The following RAB3GAP1 variants were observed in gnomAD, a reference collection of about 807,000 sequenced individuals.
RAB3GAP1 encodes RAB3 GTPase activating protein catalytic subunit 1.
A neutral mutation model predicts 130.7 loss-of-function variants in RAB3GAP1; 86 were observed. The ratio of observed to expected loss-of-function variants is 0.66; its 90% CI spans 0.55 to 0.79. The LOEUF is 0.79. Among genes scored for constraint, RAB3GAP1 ranks in the 30% least tolerant of loss-of-function variants. RAB3GAP1 has a pLI of 0.00. For missense variants in RAB3GAP1, 1,029 were observed against 1,169.4 expected (o/e 0.88, Z 1.75); for synonymous variants, 367 against 401.7 (o/e 0.91, Z 1.03).
At chr2:135,084,380 A>G (rs528673505) in intron 3 of RAB3GAP1, among the ~76,000 whole-genome samples, 2 of 152,334 alleles carry the variant, frequency 1.3e-5, no homozygotes, top group South Asian at 4.1e-4. Flanking sequence ...ATATTGTAGC[A>G]TGTATCATTG....
In RAB3GAP1 at chr2:135,124,208, T is replaced by C; in HGVS notation, c.792T>C (p.Phe264=). ...LVGGEVGGLE[F]GKLPFGACED... is the part of the protein sequence containing the mutation. Reference sequence around the variant, plus strand: ...GAGGAGAAGTTGGAGGCTTGGAGTTTGGCAAGTTACCATTTGGTGCCTGCG... The same window carrying C: ...GAGGAGAAGTTGGAGGCTTGGAGTTCGGCAAGTTACCATTTGGTGCCTGCG... Residue 264 remains phenylalanine, a synonymous_variant, in exon 9 of 24, where the codon TTT becomes TTC. Coordinates refer to ENST00000264158, the MANE Select transcript of RAB3GAP1 (RefSeq NM_012233.3). The C allele has an allele frequency of 4.3e-6, 7 of 1,614,226 alleles. No homozygotes were observed. The highest frequency in any genetic ancestry group is 5.9e-6 in the Non-Finnish European group (7 of 1,180,022).
chr2:135,071,541 A>C (rs1689472514), intron 3 of RAB3GAP1, among the ~76,000 whole-genome samples: 1 of 152,084 alleles, frequency 6.6e-6, no homozygotes, highest in Non-Finnish European at 1.5e-5. Context: ...TTAAAAAAAA[A>C]AAAAAGAATT....
intron 2 of RAB3GAP1, among the ~76,000 whole-genome samples, chr2:135,055,913 T>C (rs901621160): frequency 3.9e-5 from 6 of 151,904 alleles, no homozygotes; most frequent in African/African-American, 1.4e-4. Flanking sequence ...CTCGGCTCAC[T>C]GCAAGCTCTG....
chr2:135,149,755 G>A (rs755016404), intron 17 of RAB3GAP1, among the ~76,000 whole-genome samples: 5 of 152,166 alleles, frequency 3.3e-5, no homozygotes, highest in South Asian at 2.1e-4. Context: ...CTGGGTTCAC[G>A]CCATTCTCTT....
At chr2:135,164,539 C>G in intron 22 of RAB3GAP1, 55 bp from the exon 23 acceptor site, 1 of 1,363,912 alleles carries the variant, frequency 7.3e-7, no homozygotes, top group Non-Finnish European at 1.0e-6. Context: ...GATGGACGCC[C>G]AGTGGCCTGG....
intron 5 of RAB3GAP1, among the ~76,000 whole-genome samples, chr2:135,110,885 C>A (rs1432358019): frequency 5.9e-5 from 9 of 152,058 alleles, no homozygotes; most frequent in Admixed American, 5.9e-4. Context: ...GGAAGAATAA[C>A]CAAGAAACTG....
chr2:135,083,767 G>GTTTTTTTTTTTTTTTTTTTTTTTT (rs34087354), intron 3 of RAB3GAP1, among the ~76,000 whole-genome samples: 1 of 98,288 alleles, frequency 1.0e-5, no homozygotes. Context: ...ACCCAACACG[G>GTTTTTTTTTTTTTTTTTTTTTTTT]TTTTTTTTTT....
intron 5 of RAB3GAP1, among the ~76,000 whole-genome samples, chr2:135,103,034 G>GGTTTTTTT (rs1355666279): frequency 2.0e-5 from 2 of 100,462 alleles, no homozygotes; most frequent in African/African-American, 6.8e-5. Flanking sequence ...TCATTTTTGT[G>GGTTTTTTT]ATTTTTTTTT....
intron 5 of RAB3GAP1, among the ~76,000 whole-genome samples, chr2:135,108,961 T>C (rs896618477): frequency 1.3e-5 from 2 of 152,194 alleles, no homozygotes; most frequent in Non-Finnish European, 2.9e-5. Flanking sequence ...ATTGCCTCTG[T>C]TCCTTTTCAG....
chr2:135,109,604 A>G (rs1690737426), intron 5 of RAB3GAP1, among the ~76,000 whole-genome samples: 2 of 151,282 alleles, frequency 1.3e-5, no homozygotes, highest in Non-Finnish European at 2.9e-5. Context: ...TTATTAAGAG[A>G]CAGGGCCTTG....
At position 135,166,855 on chromosome 2, in the gene RAB3GAP1, C is replaced by G. The variant is rs16831380; in HGVS notation, c.2710-1690C>G. Among the ~76,000 whole-genome samples, 1,320 of 152,182 alleles carry G rather than the reference C, an allele frequency of 8.7e-3. 19 individuals are homozygous for G. Among genetic ancestry groups the G allele is most frequent in the African/African-American group, 0.029 (1,186 of 41,524 alleles). ...AACATAGTATATCATCTTTCAGTAG[C>G]CTCATTGTATAGCTAACCCCCTTAA... On this transcript the variant is annotated intron_variant, in intron 23 of 23. Transcript: ENST00000264158.
At chr2:135,081,327 A>AATATATATATATATATATATATAT (rs1214688390) in intron 3 of RAB3GAP1, among the ~76,000 whole-genome samples, 1 of 64,068 alleles carries the variant, frequency 1.6e-5, no homozygotes, top group African/African-American at 9.2e-5. Flanking sequence ...AAAAAAAAAA[A>AATATATATATATATATATATATAT]ATATATATAT....
intron 3 of RAB3GAP1, among the ~76,000 whole-genome samples, chr2:135,063,850 G>C (rs1331042748): frequency 1.3e-5 from 2 of 152,142 alleles, no homozygotes; most frequent in Non-Finnish European, 2.9e-5. Context: ...AAGTGGAATT[G>C]CTGAATTATT....
intron 18 of RAB3GAP1, among the ~76,000 whole-genome samples, chr2:135,153,423 C>T (rs1384227168): frequency 2.0e-5 from 3 of 151,966 alleles, no homozygotes; most frequent in Non-Finnish European, 2.9e-5. Context: ...TATCCAAATT[C>T]ATTAAATGAA....
At chr2:135,098,753 T>C (rs913380265) in intron 5 of RAB3GAP1, among the ~76,000 whole-genome samples, 1 of 152,232 alleles carries the variant, frequency 6.6e-6, no homozygotes, top group Non-Finnish European at 1.5e-5. Context: ...GTAAATGTTA[T>C]ATATTATGTT....
intron 5 of RAB3GAP1, among the ~76,000 whole-genome samples, chr2:135,096,491 TGTA>T (rs1354060884): frequency 6.6e-6 from 1 of 152,166 alleles, no homozygotes; most frequent in African/African-American, 2.4e-5. Context: ...AAAAAAGAAA[TGTA>T]ATAATTATAT....
Position 135,112,834 on chromosome 2 carries a change from T to TCA in RAB3GAP1, c.363-284_363-283dup, listed in dbSNP as rs200860381. Among the ~76,000 whole-genome samples the TCA allele has an allele frequency of 0.051, 6,717 of 132,348 alleles. 191 individuals are homozygous for TCA. Among genetic ancestry groups the TCA allele is most frequent in the Admixed American group, 0.093 (1,273 of 13,664 alleles). The allele number at this position is 132,348 out of a possible 152,430, so 86.8% of individuals were successfully genotyped here. On this transcript the variant is annotated intron_variant, in intron 5 of 23. Coordinates refer to ENST00000264158, the MANE Select transcript of RAB3GAP1 (RefSeq NM_012233.3). ...GTCAAAGTCTCTCTCTCTCTCTCTC[T>TCA]CACACACACACACACACACACACAC...
intron 3 of RAB3GAP1, among the ~76,000 whole-genome samples, chr2:135,085,107 TA>T (rs1234976753): frequency 6.6e-6 from 1 of 152,110 alleles, no homozygotes; most frequent in African/African-American, 2.4e-5. Flanking sequence ...GCTGTAGGGG[TA>T]AAACTGGAAA....
chr2:135,089,087 C>T (rs1690066302), intron 3 of RAB3GAP1, among the ~76,000 whole-genome samples: 1 of 150,862 alleles, frequency 6.6e-6, no homozygotes, highest in African/African-American at 2.5e-5. Context: ...AGGAAGGGGT[C>T]CAGTTTCAGT....
Sources: allele counts gnomAD v4.1 joint callset (sites outside exome capture counted in the v4.1 genomes callset), GRCh38; gene constraint gnomAD v4.1.1; transcripts MANE v1.5; gene names NCBI Gene and HGNC (gene_info 2026-07-23, HGNC 2026-07-21).